DIAPH3: variants seen among roughly 807,000 people sequenced by gnomAD.
DIAPH3 encodes the protein protein diaphanous homolog 3.
DIAPH3 carries 117 observed loss-of-function variants against 144.3 expected under a neutral mutation model. The observed-to-expected ratio is 0.81, with a 90% CI of 0.70 to 0.95. The LOEUF (loss-of-function observed/expected upper bound fraction) is 0.95, where lower values mean the gene tolerates loss of function less well. Ranked by LOEUF, DIAPH3 falls within the 40% of genes least tolerant of loss-of-function variation. The pLI, the probability that DIAPH3 is intolerant of heterozygous loss-of-function variation, is 0.00. For missense variants in DIAPH3, 1,421 were observed against 1,412.7 expected (o/e 1.01, Z -0.09); for synonymous variants, 519 against 488.9 (o/e 1.06, Z -0.81).
At chr13:59,774,337 T>C (rs2038282743) in intron 26 of DIAPH3, 89 bp from the exon 27 acceptor site, 3 of 1,127,502 alleles carry the variant, frequency 2.7e-6, no homozygotes, top group Admixed American at 4.5e-5. Context: ...TTTTCCAAGG[T>C]TATGTATTTC....
intron 1 of DIAPH3, among the ~76,000 whole-genome samples, chr13:60,149,577 C>T (rs192442074): frequency 7.2e-5 from 11 of 151,874 alleles, no homozygotes; most frequent in Admixed American, 7.2e-4. Context: ...ACGATGAGAC[C>T]CTGTCTCTAT....
At chr13:60,061,217 G>A (rs1434829190) in intron 4 of DIAPH3, among the ~76,000 whole-genome samples, 2 of 152,052 alleles carry the variant, frequency 1.3e-5, no homozygotes, top group Non-Finnish European at 2.9e-5. Context: ...AAGAGCTGGT[G>A]TGTTTTAGGA....
chr13:59,938,500 T>C (rs1487986971), intron 17 of DIAPH3, among the ~76,000 whole-genome samples: 1 of 152,022 alleles, frequency 6.6e-6, no homozygotes, highest in Non-Finnish European at 1.5e-5. Flanking sequence ...TGCTAGCTAC[T>C]CAGGAGGATG....
intron 25 of DIAPH3, among the ~76,000 whole-genome samples, chr13:59,778,726 T>A (rs1215950022): frequency 6.6e-6 from 1 of 152,242 alleles, no homozygotes; most frequent in Admixed American, 6.5e-5. Context: ...TATGTTGGTA[T>A]TACAGAACTG....
Position 59,977,702 on chromosome 13 carries a change from A to T in DIAPH3, c.1545+3093T>A, listed in dbSNP as rs1263216001. Among the ~76,000 whole-genome samples the T allele has an allele frequency of 1.3e-5, 2 of 151,734 alleles. 1 individual carries two copies. The highest frequency in any genetic ancestry group is 2.9e-5 in the Non-Finnish European group (2 of 67,802). On this transcript the variant is annotated intron_variant, in intron 14 of 27. Transcript: ENST00000400324. ...TGAAAAAAGACTACAGAATCCAAAA[A>T]TGTTAGTATCTGACCGAATGAAGGA... is the stretch of plus-strand genomic sequence containing the variant.
At chr13:59,835,974 C>A (rs1248466031) in intron 23 of DIAPH3, among the ~76,000 whole-genome samples, 1 of 151,174 alleles carries the variant, frequency 6.6e-6, no homozygotes, top group African/African-American at 2.4e-5. Flanking sequence ...GAATAACACA[C>A]AAAAAAAGTG....
intron 1 of DIAPH3, among the ~76,000 whole-genome samples, chr13:60,135,563 C>A (rs917105705): frequency 1.3e-5 from 2 of 152,128 alleles, no homozygotes; most frequent in Non-Finnish European, 2.9e-5. Flanking sequence ...CCTATCAATT[C>A]TCACCATCAG....
intron 20 of DIAPH3, among the ~76,000 whole-genome samples, chr13:59,909,859 G>C (rs1156410334): frequency 2.0e-5 from 3 of 152,166 alleles, no homozygotes; most frequent in African/African-American, 4.8e-5. Flanking sequence ...TGGGAATCCA[G>C]TTGTTTTAAC....
intron 27 of DIAPH3, among the ~76,000 whole-genome samples, chr13:59,754,081 T>G (rs1448173094): frequency 6.6e-6 from 1 of 152,170 alleles, no homozygotes; most frequent in East Asian, 1.9e-4. Context: ...TGTTCCCATC[T>G]AATCTGTCAC....
intron 1 of DIAPH3, among the ~76,000 whole-genome samples, chr13:60,143,992 C>T (rs1310566499): frequency 6.6e-6 from 1 of 152,110 alleles, no homozygotes; most frequent in Non-Finnish European, 1.5e-5. Context: ...ATCTCATTTC[C>T]TTCTTCCCAC....
intron 27 of DIAPH3, among the ~76,000 whole-genome samples, chr13:59,675,807 GA>G (rs2032620512): frequency 6.6e-6 from 1 of 152,164 alleles, no homozygotes; most frequent in Non-Finnish European, 1.5e-5. Flanking sequence ...GGTTCTGGGG[GA>G]ACATGATTAG....
chr13:59,672,732 C>T (rs1008880774), intron 27 of DIAPH3, among the ~76,000 whole-genome samples: 29 of 152,234 alleles, frequency 1.9e-4, no homozygotes, highest in African/African-American at 4.8e-4. Flanking sequence ...GGTTTCATTT[C>T]GCTGTTTATC....
chr13:59,933,682 G>A (rs199767228), intron 17 of DIAPH3, among the ~76,000 whole-genome samples: 1 of 152,060 alleles, frequency 6.6e-6, no homozygotes, highest in Non-Finnish European at 1.5e-5. Context: ...GATTAATACC[G>A]TTCAAAAACT....
chr13:59,934,018 AG>A (rs2048148190), intron 17 of DIAPH3, among the ~76,000 whole-genome samples: 1 of 152,180 alleles, frequency 6.6e-6, no homozygotes, highest in Admixed American at 6.5e-5. Context: ...GCTTTTTAGG[AG>A]TAAGATTTCA....
chr13:59,714,352 T>C (rs2034934368), intron 27 of DIAPH3, among the ~76,000 whole-genome samples: 1 of 77,188 alleles, frequency 1.3e-5, no homozygotes, highest in Non-Finnish European at 2.4e-5. Flanking sequence ...AGAGCGAGAC[T>C]CCGTCTCAAA....
intron 27 of DIAPH3, among the ~76,000 whole-genome samples, chr13:59,747,233 T>C (rs1308216686): frequency 6.6e-6 from 1 of 152,202 alleles, no homozygotes; most frequent in Non-Finnish European, 1.5e-5. Flanking sequence ...GGATGATCAC[T>C]GAAACATGTG....
chr13:59,947,958 T>C (rs1379731798), intron 17 of DIAPH3, among the ~76,000 whole-genome samples: 1 of 152,138 alleles, frequency 6.6e-6, no homozygotes, highest in Non-Finnish European at 1.5e-5. Flanking sequence ...CATAATGCAA[T>C]AAAAATAAAA....
intron 25 of DIAPH3, among the ~76,000 whole-genome samples, chr13:59,795,548 G>C (rs572259919): frequency 6.6e-6 from 1 of 151,526 alleles, no homozygotes; most frequent in Non-Finnish European, 1.5e-5. Context: ...TCCGCCTCCG[G>C]GTTCACACCA....
intron 21 of DIAPH3, among the ~76,000 whole-genome samples, chr13:59,872,265 T>C (rs181181107): frequency 6.6e-6 from 1 of 152,220 alleles, no homozygotes; most frequent in South Asian, 2.1e-4. Flanking sequence ...CTTTATAAGT[T>C]GTATTTTCAT....
Sources: allele counts gnomAD v4.1 joint callset (sites outside exome capture counted in the v4.1 genomes callset), GRCh38; gene constraint gnomAD v4.1.1; transcripts MANE v1.5; gene names NCBI Gene and HGNC (gene_info 2026-07-23, HGNC 2026-07-21).